The following RALYL variants were observed in gnomAD, a reference collection of about 807,000 sequenced individuals.
RALYL encodes RNA-binding Raly-like protein.
In RALYL, 29 loss-of-function variants were observed where a neutral mutation model predicts 35.1. The ratio of observed to expected loss-of-function variants is 0.83; its 90% confidence interval spans 0.61 to 1.13. The LOEUF (loss-of-function observed/expected upper bound fraction) is 1.13. RALYL is among the 50% of genes most tolerant of loss of function. The pLI, the probability that RALYL is intolerant of heterozygous loss-of-function variation, is 0.00. For missense variants in RALYL, 359 were observed against 360.4 expected, an observed-to-expected ratio of 1.00 and a Z score of 0.03; for synonymous variants, 120 against 127.6, an observed-to-expected ratio of 0.94 and a Z score of 0.40.
chr8:84,196,179 C>A (rs1221827334), intron 1 of RALYL, among the ~76,000 whole-genome samples: 1 of 152,168 alleles, frequency 6.6e-6, no homozygotes, highest in African/African-American at 2.4e-5. Flanking sequence ...CCCATTTCAT[C>A]ATGTATGCAA....
chr8:84,215,066 C>T (rs541301280), intron 1 of RALYL, among the ~76,000 whole-genome samples: 60 of 151,794 alleles, frequency 4.0e-4, no homozygotes, highest in African/African-American at 1.2e-3. Context: ...CCACTGTGCC[C>T]GGCTAATTTT....
At chr8:84,920,275 G>A (rs1177430702) in intron 8 of RALYL, among the ~76,000 whole-genome samples, 2 of 152,032 alleles carry the variant, frequency 1.3e-5, no homozygotes, top group African/African-American at 4.8e-5. Context: ...TTTCCCCACT[G>A]ATTGAGTCTT....
At chr8:84,694,297 C>G (rs1441082157) in intron 2 of RALYL, among the ~76,000 whole-genome samples, 1 of 151,756 alleles carries the variant, frequency 6.6e-6, no homozygotes, top group Non-Finnish European at 1.5e-5. Flanking sequence ...AATCAACATG[C>G]CAAGATCAGT....
At chr8:84,287,737 T>G (rs1253779045) in intron 1 of RALYL, among the ~76,000 whole-genome samples, 2 of 152,156 alleles carry the variant, frequency 1.3e-5, no homozygotes, top group East Asian at 3.9e-4. Context: ...TAAAATAATT[T>G]TGCTGATAAT....
intron 1 of RALYL, among the ~76,000 whole-genome samples, chr8:84,467,889 A>G (rs1309626470): frequency 7.3e-6 from 1 of 136,126 alleles, no homozygotes; most frequent in Non-Finnish European, 1.6e-5. Flanking sequence ...TCCCTTTACC[A>G]TTATGTAATG....
chr8:84,533,293 AAC>A (rs1229951715), intron 2 of RALYL, among the ~76,000 whole-genome samples: 1 of 152,102 alleles, frequency 6.6e-6, no homozygotes, highest in Non-Finnish European at 1.5e-5. Context: ...TTTTTCCTCA[AAC>A]ACATTATATG....
At chr8:84,743,933 T>C (rs1807996606) in intron 2 of RALYL, among the ~76,000 whole-genome samples, 1 of 151,950 alleles carries the variant, frequency 6.6e-6, no homozygotes, top group South Asian at 2.1e-4. Flanking sequence ...GGCAGGAGTT[T>C]AGAGAGAGGG....
At chr8:84,471,945 AC>A (rs1473982756) in intron 1 of RALYL, among the ~76,000 whole-genome samples, 1 of 152,222 alleles carries the variant, frequency 6.6e-6, no homozygotes, top group Non-Finnish European at 1.5e-5. Flanking sequence ...AATACTTTGG[AC>A]AATACTTACA....
chr8:84,543,514 C>T (rs985574336), intron 2 of RALYL, among the ~76,000 whole-genome samples: 4 of 149,458 alleles, frequency 2.7e-5, no homozygotes, highest in Non-Finnish European at 4.5e-5. Context: ...TAAAAAAAAA[C>T]AACTTAGTAA....
At chr8:84,365,487 A>G (rs779503483) in intron 1 of RALYL, among the ~76,000 whole-genome samples, 1 of 152,196 alleles carries the variant, frequency 6.6e-6, no homozygotes, top group Non-Finnish European at 1.5e-5. Flanking sequence ...TGATGTTCGT[A>G]ATTATAACTC....
intron 4 of RALYL, among the ~76,000 whole-genome samples, chr8:84,843,200 T>C (rs906573494): frequency 1.1e-4 from 17 of 152,290 alleles, no homozygotes; most frequent in Non-Finnish European, 1.5e-4. Context: ...GATGACATGA[T>C]TGTATATCTA....
chr8:84,428,546 A>G (rs1207295478), intron 1 of RALYL, among the ~76,000 whole-genome samples: 2 of 152,208 alleles, frequency 1.3e-5, no homozygotes, highest in Non-Finnish European at 2.9e-5. Flanking sequence ...GCCTCAATCT[A>G]ATTAAAGATT....
rs191201634 is a variant in RALYL at position 84,323,317 on chromosome 8, T to G, written c.-24+138893T>G. On this transcript the variant is annotated intron_variant, in intron 1 of 8. Transcript: ENST00000521268. The stretch of plus-strand genomic sequence containing the variant: ...ACAAAGGAATGAAGTATGCTGTACA[T>G]AGAGAACATAAATAATATAACTCTA... Among the ~76,000 whole-genome samples, 698 of 152,180 alleles carry G rather than the reference T, an allele frequency of 4.6e-3. 2 individuals are homozygous for G. The highest frequency in any genetic ancestry group is 7.2e-3 in the Non-Finnish European group (487 of 67,934).
chr8:84,189,800 A>T (rs1359970947), intron 1 of RALYL, among the ~76,000 whole-genome samples: 1 of 151,826 alleles, frequency 6.6e-6, no homozygotes, highest in Non-Finnish European at 1.5e-5. Context: ...AGATGTCTGT[A>T]GTTTGGCAAG....
chr8:84,493,294 A>G (rs1329218424), intron 1 of RALYL, among the ~76,000 whole-genome samples: 2 of 152,062 alleles, frequency 1.3e-5, no homozygotes, highest in Non-Finnish European at 2.9e-5. Context: ...TATGTATCAC[A>G]TTTTATTTAT....
At chr8:84,647,344 T>A (rs1827712128) in intron 2 of RALYL, among the ~76,000 whole-genome samples, 1 of 152,076 alleles carries the variant, frequency 6.6e-6, no homozygotes, top group South Asian at 2.1e-4. Context: ...GGACTATGGA[T>A]GTGCAGGTGA....
chr8:84,595,632 A>G (rs1814322024), intron 2 of RALYL, among the ~76,000 whole-genome samples: 1 of 152,168 alleles, frequency 6.6e-6, no homozygotes, highest in African/African-American at 2.4e-5. Flanking sequence ...TCTTTCAAAA[A>G]AGGAGGCCCT....
intron 1 of RALYL, among the ~76,000 whole-genome samples, chr8:84,424,863 G>A (rs1163341189): frequency 6.6e-6 from 1 of 151,664 alleles, no homozygotes; most frequent in East Asian, 1.9e-4. Context: ...AGGCTGCTCG[G>A]GGGTCAGGGG....
intron 1 of RALYL, among the ~76,000 whole-genome samples, chr8:84,523,308 T>G (rs2058612138): frequency 6.6e-6 from 1 of 151,830 alleles, no homozygotes; most frequent in Non-Finnish European, 1.5e-5. Flanking sequence ...CTCATGAGAC[T>G]TATTCACACT....
Sources: allele counts gnomAD v4.1 joint callset (sites outside exome capture counted in the v4.1 genomes callset), GRCh38; gene constraint gnomAD v4.1.1; transcripts MANE v1.5; gene names NCBI Gene and HGNC (gene_info 2026-07-23, HGNC 2026-07-21).